Variants in PCLO observed in about 807,000 individuals in gnomAD.
The protein encoded by PCLO is piccolo presynaptic cytomatrix protein.
In PCLO, 82 loss-of-function variants were observed where a neutral mutation model predicts 427.5. The ratio of observed to expected loss-of-function variants is 0.19; its 90% confidence interval spans 0.16 to 0.23. The LOEUF (loss-of-function observed/expected upper bound fraction) is 0.23. Among genes scored for constraint, PCLO ranks in the 10% least tolerant of loss-of-function variants. The pLI is 1.00. For missense variants in PCLO, 6,239 were observed against 6,115.9 expected, an observed-to-expected ratio of 1.02 and a Z score of -0.67; for synonymous variants, 2,357 against 2,155.4, an observed-to-expected ratio of 1.09 and a Z score of -2.59.
chr7:82,953,288 A>C lies in PCLO; in HGVS notation c.7665T>G (p.Pro2555=), dbSNP rs535161441. The C allele has an allele frequency of 8.1e-6, 13 of 1,613,688 alleles. No homozygotes were observed. The Admixed American group carries it at 2.2e-4, about 27-fold the overall frequency. The change falls in exon 5 of 25, where the codon CCT becomes CCG. Residue 2555 remains proline, a synonymous_variant. Transcript: ENST00000333891. ...NLVTSADYKL[P]SPTSPLSPHS... ...GTGGGGAAAGTGGGGAGGTAGGGGA[A>C]GGCAATTTATAATCTGCTGAAGTCA...
intron 22 of PCLO, among the ~76,000 whole-genome samples, chr7:82,792,393 C>G (rs1791120335): frequency 6.6e-6 from 1 of 150,516 alleles, no homozygotes; most frequent in Non-Finnish European, 1.5e-5. Context: ...GTGGCATGAT[C>G]TCAGCTCACT....
chr7:82,764,480 C>G (rs1790492349), intron 22 of PCLO, among the ~76,000 whole-genome samples: 1 of 151,806 alleles, frequency 6.6e-6, no homozygotes, highest in Non-Finnish European at 1.5e-5. Context: ...TAAGTTTTAG[C>G]TAGTCTATTT....
chr7:82,931,258 A>AT (rs1794834410), intron 6 of PCLO, among the ~76,000 whole-genome samples: 1 of 152,180 alleles, frequency 6.6e-6, no homozygotes, highest in Non-Finnish European at 1.5e-5. Flanking sequence ...TGCATGGCAT[A>AT]TAAGATTTGA....
At chr7:83,037,224 T>A (rs1284197029) in intron 3 of PCLO, among the ~76,000 whole-genome samples, 7 of 152,032 alleles carry the variant, frequency 4.6e-5, no homozygotes, top group Admixed American at 3.9e-4. Flanking sequence ...TTGACAGAGG[T>A]CTGGCTTGCA....
At position 82,908,870 on chromosome 7, in the gene PCLO, C is replaced by T; in HGVS notation, c.13437+7G>A. 1 of 1,610,228 alleles carries T rather than the reference C, an allele frequency of 6.2e-7. No individual in the cohort carries two copies. The highest frequency in any genetic ancestry group is 8.5e-7 in the Non-Finnish European group (1 of 1,177,760). ...ATCTAAAAGAAATTGCTAAATATAGCACTTACTTGCTCTTGATGTTGACTG... is the reference window on the plus strand; with the variant it reads ...ATCTAAAAGAAATTGCTAAATATAGTACTTACTTGCTCTTGATGTTGACTG... On this transcript the variant is annotated splice_region_variant and intron_variant, in intron 8 of 24. Transcript: ENST00000333891.
intron 3 of PCLO, among the ~76,000 whole-genome samples, chr7:83,132,667 C>A (rs1791603739): frequency 6.6e-6 from 1 of 152,012 alleles, no homozygotes; most frequent in South Asian, 2.1e-4. Flanking sequence ...TTATAGTGCT[C>A]AACTCATACT....
At chr7:83,069,316 G>C (rs191836570) in intron 3 of PCLO, among the ~76,000 whole-genome samples, 1 of 151,984 alleles carries the variant, frequency 6.6e-6, no homozygotes, top group African/African-American at 2.4e-5. Context: ...CTGTATCATT[G>C]ATTCATTTGG....
At chr7:83,028,091 T>C (rs2116113441) in intron 3 of PCLO, among the ~76,000 whole-genome samples, 1 of 151,596 alleles carries the variant, frequency 6.6e-6, no homozygotes, top group South Asian at 2.1e-4. Flanking sequence ...AACATAGTGT[T>C]GGAAGTTCTG....
At position 83,155,999 on chromosome 7, in the gene PCLO, C is replaced by T. The variant is rs1360423734; in HGVS notation, c.642G>A (p.Gln214=). ...GCTGCTTAGGAATCGGCTTGGGTGG[C>T]TGTTGTTGTAAAGGAGGTTTTATGA... ...EGIIKPPLQQ[Q]PPKPIPKQQG... Residue 214 remains glutamine, a synonymous_variant, in exon 2 of 25, where the codon CAG becomes CAA. Transcript: ENST00000333891. The T allele has an allele frequency of 6.2e-7, 1 of 1,613,236 alleles. No homozygotes were observed. The highest frequency in any genetic ancestry group is 1.3e-5 in the African/African-American group (1 of 74,798).
rs934465682 is a variant in PCLO at position 83,073,920 on chromosome 7, AG to A, written c.3300+60329del. ...AAAGAACTTCAGAGCAATTAAAACAAGTCCCATTTAGATATTTGTTTCTAAA... is the reference window on the plus strand; with the variant it reads ...AAAGAACTTCAGAGCAATTAAAACAATCCCATTTAGATATTTGTTTCTAAA... On this transcript the variant is annotated intron_variant, in intron 3 of 24. Transcript: ENST00000333891. 7.9e-5 allele frequency among the ~76,000 whole-genome samples: 12 copies of A among 151,814 alleles called. No individual in the cohort carries two copies. The East Asian group carries it at 1.4e-3, about 17-fold the overall frequency.
At chr7:82,943,786 A>G (rs1342872385) in intron 6 of PCLO, among the ~76,000 whole-genome samples, 3 of 152,082 alleles carry the variant, frequency 2.0e-5, no homozygotes, top group African/African-American at 2.4e-5. Flanking sequence ...CAAAAATACT[A>G]GATGGAAATA....
At chr7:82,762,869 T>C (rs958110926) in intron 22 of PCLO, among the ~76,000 whole-genome samples, 2 of 151,988 alleles carry the variant, frequency 1.3e-5, no homozygotes, top group Admixed American at 6.6e-5. Context: ...CTCAAACTCA[T>C]GGCCTTAAGC....
Position 82,965,785 on chromosome 7 carries a change from C to G in PCLO, c.4003G>C (p.Gly1335Arg), listed in dbSNP as rs1562888341. ...ATTTAACTTACTGTTTTTTCTTTCC[C>G]AGGTTCCACCTGATCAGGTTTTGCT... ...CTAKPDQVEP[G>R]KEKTEKEDDK... Residue 1335 changes from glycine to arginine, a missense_variant, in exon 4 of 25, where the codon GGG becomes CGG. By Grantham distance (125) the Gly-to-Arg change is moderately radical. This residue lies in a region of PCLO where 4,677 missense variants were observed against 4,468.4 expected (regional missense o/e 1.05). Coordinates refer to ENST00000333891, the MANE Select transcript of PCLO (RefSeq NM_033026.6). 6.3e-7 allele frequency: 1 copy of G among 1,578,220 alleles called. No homozygotes were observed. Among genetic ancestry groups the G allele is most frequent in the Non-Finnish European group, 8.6e-7 (1 of 1,166,720 alleles).
intron 2 of PCLO, among the ~76,000 whole-genome samples, chr7:83,144,679 T>C (rs1791949221): frequency 6.6e-6 from 1 of 152,190 alleles, no homozygotes; most frequent in Non-Finnish European, 1.5e-5. Context: ...CTTATCTACA[T>C]TTTTCATTGT....
chr7:83,105,440 T>A (rs1790830226), intron 3 of PCLO, among the ~76,000 whole-genome samples: 2 of 152,212 alleles, frequency 1.3e-5, no homozygotes, highest in African/African-American at 4.8e-5. Flanking sequence ...TACAAGTGAA[T>A]CTTAATTCTT....
intron 3 of PCLO, among the ~76,000 whole-genome samples, chr7:83,062,680 C>T (rs915026097): frequency 4.6e-5 from 7 of 152,070 alleles, no homozygotes; most frequent in Non-Finnish European, 8.8e-5. Context: ...TTAAATTCAA[C>T]TTCTACTTCT....
chr7:83,142,865 A>T (rs999785780), intron 2 of PCLO, among the ~76,000 whole-genome samples: 1 of 152,180 alleles, frequency 6.6e-6, no homozygotes, highest in Non-Finnish European at 1.5e-5. Flanking sequence ...AGGCTGAGGC[A>T]GCAGTATCGC....
intron 22 of PCLO, among the ~76,000 whole-genome samples, chr7:82,794,060 T>C (rs564769948): frequency 1.3e-5 from 2 of 152,332 alleles, no homozygotes; most frequent in East Asian, 1.9e-4. Context: ...CCTTTTCTTT[T>C]TAAGCCTCTA....
chr7:83,159,066 C>A (rs926403529), intron 1 of PCLO, among the ~76,000 whole-genome samples: 1 of 152,062 alleles, frequency 6.6e-6, no homozygotes, highest in Non-Finnish European at 1.5e-5. Flanking sequence ...ATCTTTGCAT[C>A]ATTAGAACCA....
Sources: allele counts gnomAD v4.1 joint callset (sites outside exome capture counted in the v4.1 genomes callset), GRCh38; gene constraint gnomAD v4.1.1; regional missense constraint gnomAD v4.1.1; transcripts MANE v1.5; gene names NCBI Gene and HGNC (gene_info 2026-07-23, HGNC 2026-07-21).